Variants in DHX9 observed in about 807,000 individuals in gnomAD.
The protein encoded by DHX9 is DExH-box helicase 9, also known as ATP-dependent RNA helicase A.
DHX9 carries 27 observed loss-of-function variants against 148.7 expected under a neutral mutation model. The ratio of observed to expected loss-of-function variants is 0.18; its 90% confidence interval spans 0.13 to 0.25. DHX9 has a LOEUF of 0.25. Among genes scored for constraint, DHX9 ranks in the 10% least tolerant of loss-of-function variants. The probability of loss-of-function intolerance (pLI) is 1.00; values close to 1 mark genes in which losing one functional copy is unlikely to be tolerated. For synonymous variants in DHX9, 529 were observed against 516.6 expected, an observed-to-expected ratio of 1.02 and a Z score of -0.33; for missense variants, 796 against 1,559.6, an observed-to-expected ratio of 0.51 and a Z score of 8.25.
chr1:182,883,890 T>C (rs1418839764), intron 26 of DHX9, among the ~76,000 whole-genome samples: 1 of 152,158 alleles, frequency 6.6e-6, no homozygotes, highest in African/African-American at 2.4e-5. Flanking sequence ...TGTATATTGA[T>C]TCAAAACTAG....
In DHX9 at chr1:182,874,835, A is replaced by T. The variant is rs368451399; in HGVS notation, c.1715-19A>T. On this transcript the variant is annotated intron_variant, in intron 15 of 27. Transcript: ENST00000367549. ...GTGAAAGTTGATAGTACTTAACCTG[A>T]CTGGATTGTCCCTGGCAGAATATTT... is the stretch of plus-strand genomic sequence containing the variant. 8 of 1,581,768 alleles carry T rather than the reference A, an allele frequency of 5.1e-6. No homozygotes were observed. Among genetic ancestry groups the T allele is most frequent in the Non-Finnish European group, 6.9e-6 (8 of 1,152,620 alleles).
At chr1:182,861,762 T>A (rs943568327) in intron 12 of DHX9, among the ~76,000 whole-genome samples, 1 of 152,248 alleles carries the variant, frequency 6.6e-6, no homozygotes, top group East Asian at 1.9e-4. Flanking sequence ...GAATTACTTA[T>A]AACTCATATT....
Position 182,875,738 on chromosome 1 carries a change from G to T in DHX9, c.1816-312G>T, listed in dbSNP as rs1168378822. On this transcript the variant is annotated intron_variant, in intron 16 of 27. Coordinates refer to ENST00000367549, the MANE Select transcript of DHX9 (RefSeq NM_001357.5). ...CATTGATTCAAATGTAAACTTTTTGGAAAATACATTATTTCAATAATACAA... is the reference window on the plus strand; with the variant it reads ...CATTGATTCAAATGTAAACTTTTTGTAAAATACATTATTTCAATAATACAA... Among the ~76,000 whole-genome samples, 3 of 152,076 alleles carry T rather than the reference G, an allele frequency of 2.0e-5. No individual in the cohort carries two copies. The East Asian group carries it at 5.8e-4, about 29-fold the overall frequency.
At chr1:182,864,407 T>C (rs1648185845) in intron 12 of DHX9, among the ~76,000 whole-genome samples, 1 of 152,212 alleles carries the variant, frequency 6.6e-6, no homozygotes, top group African/African-American at 2.4e-5. Context: ...GATATTTTGA[T>C]ATGTGTGCTG....
intron 3 of DHX9, among the ~76,000 whole-genome samples, chr1:182,845,897 A>G (rs1476007794): frequency 2.6e-5 from 4 of 152,176 alleles, no homozygotes; most frequent in Non-Finnish European, 5.9e-5. Flanking sequence ...CTCGAACACC[A>G]TTCTTCAGGA....
Position 182,879,322 on chromosome 1 carries a change from G to C in DHX9, c.2424G>C (p.Leu808=), listed in dbSNP as rs1571320538. The C allele has an allele frequency of 6.5e-7, 1 of 1,549,286 alleles. No homozygotes were observed. Among genetic ancestry groups the C allele is most frequent in the Non-Finnish European group, 8.8e-7 (1 of 1,132,476 alleles). The change falls in exon 21 of 28, where the codon CTG becomes CTC. Residue 808 remains leucine (L), a synonymous_variant. Coordinates refer to ENST00000367549, the MANE Select transcript of DHX9 (RefSeq NM_001357.5). The part of the protein sequence containing the change: ...LHEIALSIKL[L]RLGGIGQFLA... ...AAATTGCTCTTAGCATAAAACTTCT[G>C]CGTCTAGGAGGAATTGGCCAATTTC... is the stretch of plus-strand genomic sequence containing the variant.
At position 182,875,943 on chromosome 1, in the gene DHX9, A is replaced by AAT. The variant is rs1648744868; in HGVS notation, c.1816-105_1816-104dup. The AAT allele has an allele frequency of 1.3e-5, 11 of 847,662 alleles. 1 individual carries two copies. Among genetic ancestry groups the AAT allele is most frequent in the Middle Eastern group, 3.0e-4 (1 of 3,316 alleles). The allele number at this position is 847,662 out of a possible 1,614,324, so 52.5% of individuals were successfully genotyped here. On this transcript the variant is annotated intron_variant, in intron 16 of 27. Coordinates refer to ENST00000367549, the MANE Select transcript of DHX9 (RefSeq NM_001357.5). ...CTATAGTGTGTGACTAGTCAACTAG[A>AAT]ATAAATAATGACATTACAAGTAATT...
chr1:182,869,099 C>T lies in DHX9; in HGVS notation c.1557+2056C>T, dbSNP rs535413912. 2.0e-5 allele frequency among the ~76,000 whole-genome samples: 3 copies of T among 152,292 alleles called. No individual in the cohort carries two copies. In the South Asian group the frequency reaches 6.2e-4, roughly 32 times the overall value. On this transcript the variant is annotated intron_variant, in intron 14 of 27. Transcript: ENST00000367549. The stretch of plus-strand genomic sequence containing the variant: ...GATTATCGCTGGTATTTTTCTAAAA[C>T]AGTAAGTTTTGGTCAGCTTAAGCAA...
At chr1:182,867,878 T>C (rs1333436490) in intron 14 of DHX9, among the ~76,000 whole-genome samples, 1 of 152,248 alleles carries the variant, frequency 6.6e-6, no homozygotes, top group Non-Finnish European at 1.5e-5. Context: ...TTAAATGATA[T>C]GAAATGATAT....
At chr1:182,858,008 GCTT>G (rs780444044) in intron 7 of DHX9, 93 bp from the exon 8 acceptor site, 16 of 1,296,060 alleles carry the variant, frequency 1.2e-5, no homozygotes, top group Non-Finnish European at 1.6e-5. Flanking sequence ...GTATTTTAGG[GCTT>G]CTTGTGTACG....
At chr1:182,863,183 CAT>C (rs1648065503) in intron 12 of DHX9, among the ~76,000 whole-genome samples, 1 of 152,122 alleles carries the variant, frequency 6.6e-6, no homozygotes, top group South Asian at 2.1e-4. Flanking sequence ...TTATTTTTAA[CAT>C]ATTTAGTAAT....
At chr1:182,876,316 T>C in intron 17 of DHX9, 53 bp downstream of exon 17, 2 of 1,594,552 alleles carry the variant, frequency 1.3e-6, no homozygotes, top group Non-Finnish European at 1.7e-6. Flanking sequence ...ATGTTTTTGC[T>C]AGTGCCTTAG....
At position 182,843,744 on chromosome 1, in the gene DHX9, T is replaced by G. The variant is rs555511420; in HGVS notation, c.252+310T>G. On this transcript the variant is annotated intron_variant, in intron 3 of 27. Coordinates refer to ENST00000367549, the MANE Select transcript of DHX9 (RefSeq NM_001357.5). ...TTCCATTCATTACCAATGATAATACTTTAAATAAAATAGAAAAATCAGTAA... is the reference window on the plus strand; with the variant it reads ...TTCCATTCATTACCAATGATAATACGTTAAATAAAATAGAAAAATCAGTAA... Among the ~76,000 whole-genome samples the G allele has an allele frequency of 4.3e-3, 650 of 152,260 alleles. 1 individual carries two copies. Among genetic ancestry groups the G allele is most frequent in the Middle Eastern group, 0.01 (3 of 294 alleles).
chr1:182,886,136 G>A (rs1004335125), intron 27 of DHX9, among the ~76,000 whole-genome samples: 2 of 151,974 alleles, frequency 1.3e-5, no homozygotes, highest in Non-Finnish European at 2.9e-5. Context: ...TGCAATGAAA[G>A]AAGGAAGACA....
intron 3 of DHX9, among the ~76,000 whole-genome samples, chr1:182,846,258 A>G (rs1415374856): frequency 3.6e-5 from 5 of 140,402 alleles, no homozygotes; most frequent in South Asian, 4.5e-4. Context: ...TTTTTTTGAG[A>G]TGGAGTTTCG....
At position 182,881,292 on chromosome 1, in the gene DHX9, G is replaced by T. The variant is rs1224969783; in HGVS notation, c.2653G>T (p.Ala885Ser). 1 of 1,614,002 alleles carries T rather than the reference G, an allele frequency of 6.2e-7. No homozygotes were observed. Among genetic ancestry groups the T allele is most frequent in the East Asian group, 2.2e-5 (1 of 44,888 alleles). ...YVGDAICTIAAATCFPEPFIN... is the reference protein window; with the variant it reads ...YVGDAICTIASATCFPEPFIN... ...GGGAGATGCTATCTGTACCATTGCT[G>T]CTGCTACCTGCTTTCCAGAGCCTTT... Residue 885 changes from alanine (A) to serine (S), a missense_variant, in exon 23 of 28, where the codon GCT (alanine) becomes TCT (serine). Physicochemically the swap from Ala to Ser is moderately conservative, Grantham distance 99 (BLOSUM62 1). Transcript: ENST00000367549.
Position 182,853,361 on chromosome 1 carries a change from C to T in DHX9, c.420C>T (p.Asp140=). ...ATGGTGTTCCTGGGCCCACCTGGGA[C>T]CGAGGAGCCAACTTGAAGGATTACT... is the stretch of plus-strand genomic sequence containing the variant. ...SGYGVPGPTW[D]RGANLKDYYS... is the part of the protein sequence containing the mutation. Residue 140 remains aspartate, a synonymous_variant, in exon 5 of 28, where the codon GAC becomes GAT. Coordinates refer to ENST00000367549, the MANE Select transcript of DHX9 (RefSeq NM_001357.5). 1 of 1,613,916 alleles carries T rather than the reference C, an allele frequency of 6.2e-7. No individual in the cohort carries two copies. Among genetic ancestry groups the T allele is most frequent in the Non-Finnish European group, 8.5e-7 (1 of 1,179,942 alleles).
intron 3 of DHX9, among the ~76,000 whole-genome samples, chr1:182,850,339 A>G (rs2102593494): frequency 6.6e-6 from 1 of 152,252 alleles, no homozygotes; most frequent in South Asian, 2.1e-4. Flanking sequence ...TCACACCTGT[A>G]ATACCAACAC....
intron 24 of DHX9, 57 bp downstream of exon 24, chr1:182,881,704 A>G: frequency 6.6e-7 from 1 of 1,503,844 alleles, no homozygotes; most frequent in Non-Finnish European, 8.9e-7. Flanking sequence ...TAGTACATGC[A>G]AATTGACAGC....
Sources: gnomAD v4.1 joint callset for allele counts (sites outside exome capture counted in the v4.1 genomes callset) on GRCh38, gnomAD v4.1.1 for gene constraint, MANE v1.5 for transcripts, NCBI Gene and HGNC (gene_info 2026-07-23, HGNC 2026-07-21) for gene names.